PHF21B: variants seen among roughly 807,000 people sequenced by gnomAD.
The protein encoded by PHF21B is PHD finger protein 21B.
PHF21B carries 22 observed loss-of-function variants against 62.2 expected under a neutral mutation model. The ratio of observed to expected loss-of-function variants is 0.35; its 90% CI spans 0.25 to 0.51. The LOEUF (loss-of-function observed/expected upper bound fraction) is 0.51, where lower values mean the gene tolerates loss of function less well. Among genes scored for constraint, PHF21B ranks in the 20% least tolerant of loss-of-function variants. The pLI is 0.97. For missense variants in PHF21B, 701 were observed against 707.9 expected (o/e 0.99, Z 0.11); for synonymous variants, 341 against 314.7 (o/e 1.08, Z -0.88).
chr22:44,969,320 T>TCA lies in PHF21B; in HGVS notation c.120+39224_120+39225insTG, dbSNP rs1314695542. The TCA allele has an allele frequency of 7.2e-4, 109 of 152,400 alleles. 1 individual carries two copies. The highest frequency in any genetic ancestry group is 2.1e-3 in the African/African-American group (88 of 41,594). The allele number at this position is 152,400 out of a possible 1,614,324, so 9.4% of individuals were successfully genotyped here. ...GAGGCCTGGAAAGGCGCTTGAGCTG[T>TCA]GGAGTCAGGAGGGTGTGGGGTTCAA... On this transcript the variant is annotated intron_variant, in intron 2 of 12. Transcript: ENST00000313237.
chr22:44,902,291 C>A, intron 5 of PHF21B: 1 of 266,758 alleles, frequency 3.7e-6, no homozygotes, highest in Non-Finnish European at 7.7e-6. Flanking sequence ...GATTACAGGG[C>A]AGCGCAAGGT....
intron 2 of PHF21B, among the ~76,000 whole-genome samples, chr22:44,957,966 G>A (rs1007953097): frequency 2.7e-5 from 4 of 150,852 alleles, no homozygotes; most frequent in Admixed American, 6.6e-5. Context: ...GCAATGGCGC[G>A]ATCTCGGCTC....
intron 11 of PHF21B, 78 bp downstream of exon 11, chr22:44,885,785 G>A: frequency 2.1e-6 from 3 of 1,428,220 alleles, no homozygotes; most frequent in Non-Finnish European, 2.9e-6. Flanking sequence ...TCCTCCCACA[G>A]GACCAGGTGA....
chr22:44,942,701 T>A (rs1338667220), intron 2 of PHF21B, among the ~76,000 whole-genome samples: 1 of 152,126 alleles, frequency 6.6e-6, no homozygotes, highest in Non-Finnish European at 1.5e-5. Flanking sequence ...GCCCCTGAGC[T>A]GAGGCCCAGC....
At chr22:44,994,053 GAGA>G (rs1459958795) in intron 2 of PHF21B, among the ~76,000 whole-genome samples, 2 of 152,240 alleles carry the variant, frequency 1.3e-5, no homozygotes, top group Non-Finnish European at 2.9e-5. Flanking sequence ...CTGGCTGTGA[GAGA>G]AGGACAGGGA....
In PHF21B at chr22:44,961,058, G is replaced by A. The variant is rs552159974; in HGVS notation, c.121-40568C>T. Among the ~76,000 whole-genome samples the A allele has an allele frequency of 1.1e-4, 16 of 147,210 alleles. No individual in the cohort carries two copies. In the East Asian group the frequency reaches 2.9e-3, roughly 26 times the overall value. On this transcript the variant is annotated intron_variant, in intron 2 of 12. Transcript: ENST00000313237. Reference sequence around the variant, plus strand: ...TGCAACTTCTGACTCCCTGGTTCAAGCGATTCTCATGCCTCAGCCTCCCGA... The same window carrying A: ...TGCAACTTCTGACTCCCTGGTTCAAACGATTCTCATGCCTCAGCCTCCCGA...
In PHF21B at chr22:44,888,031, T is replaced by C. The variant is rs1220946113; in HGVS notation, c.1129A>G (p.Ser377Gly). 8.3e-6 allele frequency: 13 copies of C among 1,563,218 alleles called. No homozygotes were observed. Among genetic ancestry groups the C allele is most frequent in the Non-Finnish European group, 1.1e-5 (13 of 1,154,584 alleles). ...GTCTTGAGGGGCGGCTCCAGGCAGC[T>C]GAGGTGGTAGGCCCCCGGGCAGGTG... ...CGTCPGAYHL[S>G]CLEPPLKTAP... Residue 377 changes from serine (S) to glycine (G), a missense_variant, in exon 10 of 13, where the codon AGC becomes GGC. Physicochemically the swap from Ser to Gly is moderately conservative, Grantham distance 56. Transcript: ENST00000313237.
rs919217775 is a variant in PHF21B, at chr22:44,881,850, T to C, written c.*1236A>G. 1.3e-5 allele frequency: 2 copies of C among 152,636 alleles called. No homozygotes were observed. The highest frequency in any genetic ancestry group is 4.8e-5 in the African/African-American group (2 of 41,458). 9.5% of individuals were successfully genotyped at this position (152,636 alleles called of 1,614,324 possible). On this transcript the variant is annotated 3_prime_UTR_variant, in exon 13 of 13. Transcript: ENST00000313237. Reference sequence around the variant, plus strand: ...GGTGACAAGCTGCCACTGCCCACCCTGGATGCAGAAGCCCTTGGCAGCAAG... The same window carrying C: ...GGTGACAAGCTGCCACTGCCCACCCCGGATGCAGAAGCCCTTGGCAGCAAG...
At chr22:44,976,393 T>G (rs149729575) in intron 2 of PHF21B, among the ~76,000 whole-genome samples, 4 of 152,238 alleles carry the variant, frequency 2.6e-5, no homozygotes, top group Non-Finnish European at 4.4e-5. Context: ...GTCACCCTGC[T>G]GTGCAATGGA....
At position 44,883,137 on chromosome 22, in the gene PHF21B, G is replaced by A; in HGVS notation, c.1545C>T (p.Pro515=). The A allele has an allele frequency of 6.2e-7, 1 of 1,612,950 alleles. No individual in the cohort carries two copies. Residue 515 remains proline, a synonymous_variant, in exon 13 of 13, where the codon CCC becomes CCT. Coordinates refer to ENST00000313237, the MANE Select transcript of PHF21B (RefSeq NM_138415.5). ...CGGTGGGGTGTGTGGCTGCCACTGA[G>A]GGCTTGGTCCAGGGCCCGGCCAGCA... ...APLLAGPWTK[P]SVAATHPTVQ...
At chr22:44,916,197 C>T in intron 4 of PHF21B, 83 bp downstream of exon 4, 2 of 1,334,282 alleles carry the variant, frequency 1.5e-6, no homozygotes, top group Non-Finnish European at 1.0e-6. Flanking sequence ...TGGGCTTGTT[C>T]ATTTGGCCCT....
chr22:44,912,155 G>T (rs1432908108), intron 5 of PHF21B, among the ~76,000 whole-genome samples: 6 of 152,248 alleles, frequency 3.9e-5, no homozygotes, highest in African/African-American at 1.4e-4. Context: ...TACCCTCATT[G>T]TATTTAGGAA....
At chr22:44,977,924 G>GT (rs1418979950) in intron 2 of PHF21B, among the ~76,000 whole-genome samples, 3 of 151,994 alleles carry the variant, frequency 2.0e-5, no homozygotes, top group African/African-American at 7.3e-5. Flanking sequence ...ATCATATGAA[G>GT]TTTTCTTCTG....
At chr22:44,916,255 C>G in intron 4 of PHF21B, 25 bp downstream of exon 4, 1 of 1,600,024 alleles carries the variant, frequency 6.2e-7, no homozygotes, top group Non-Finnish European at 8.5e-7. Flanking sequence ...CACACCCTTT[C>G]CGGAGCCTGC....
chr22:44,927,789 A>G (rs2071661530), intron 2 of PHF21B, among the ~76,000 whole-genome samples: 1 of 152,138 alleles, frequency 6.6e-6, no homozygotes, highest in African/African-American at 2.4e-5. Context: ...AGAAACAATC[A>G]TCTCAGACTC....
chr22:44,948,162 A>T (rs2072116756), intron 2 of PHF21B, among the ~76,000 whole-genome samples: 1 of 152,236 alleles, frequency 6.6e-6, no homozygotes, highest in Non-Finnish European at 1.5e-5. Context: ...TGATTCAAGC[A>T]CATTACATTT....
At chr22:44,933,513 C>T (rs756159677) in intron 2 of PHF21B, 12 of 985,436 alleles carry the variant, frequency 1.2e-5, no homozygotes, top group Middle Eastern at 5.2e-4. Context: ...AGGTTCTGCC[C>T]GCGATCTGGG....
intron 2 of PHF21B, among the ~76,000 whole-genome samples, chr22:44,978,358 G>C (rs1005924697): frequency 5.3e-5 from 8 of 152,126 alleles, no homozygotes; most frequent in African/African-American, 1.7e-4. Context: ...TTTTGTTTTT[G>C]TTTGTTTTGT....
At chr22:44,917,677 T>C (rs1214588331) in intron 3 of PHF21B, among the ~76,000 whole-genome samples, 1 of 152,160 alleles carries the variant, frequency 6.6e-6, no homozygotes, top group East Asian at 1.9e-4. Flanking sequence ...GCTACCGTCG[T>C]TATCATTAGG....
Sources: gnomAD v4.1 joint callset for allele counts (sites outside exome capture counted in the v4.1 genomes callset) on GRCh38, gnomAD v4.1.1 for gene constraint, MANE v1.5 for transcripts, NCBI Gene and HGNC (gene_info 2026-07-23, HGNC 2026-07-21) for gene names.